The following DPH1 variants were observed in gnomAD, a reference collection of about 807,000 sequenced individuals.
DPH1 encodes the protein 2-(3-amino-3-carboxypropyl)histidine synthase subunit 1.
In DPH1, 59 loss-of-function variants were observed where a neutral mutation model predicts 55.3. The ratio of observed to expected loss-of-function variants is 1.07; its 90% confidence interval spans 0.87 to 1.33. The LOEUF is 1.33. Among genes scored for constraint, DPH1 ranks in the 40% most tolerant of loss-of-function variants. DPH1 has a pLI of 0.00. For synonymous variants in DPH1, 238 were observed against 235.5 expected (o/e 1.01, Z -0.10); for missense variants, 628 against 584.8 (o/e 1.07, Z -0.76).
At chr17:2,035,228 A>G (rs2067395251) in intron 3 of DPH1, among the ~76,000 whole-genome samples, 1 of 151,894 alleles carries the variant, frequency 6.6e-6, no homozygotes, top group African/African-American at 2.4e-5. Context: ...TCAGGGGTAC[A>G]AGGTCTTCCC....
In DPH1 at chr17:2,041,089, G is replaced by T; in HGVS notation, c.1008-14G>T. ...GAGGCCCTTCCTAGGGTCTGACCTG[G>T]CTTCCCTTCCCAGGTGGGTGCAGGT... is the stretch of plus-strand genomic sequence containing the variant. On this transcript the variant is annotated splice_polypyrimidine_tract_variant and intron_variant, in intron 9 of 12. Transcript: ENST00000263083. 6.3e-7 allele frequency: 1 copy of T among 1,592,256 alleles called. No homozygotes were observed. The highest frequency in any genetic ancestry group is 8.6e-7 in the Non-Finnish European group (1 of 1,168,494).
rs763479379 is a variant in DPH1, at chr17:2,042,613, C to T, written c.*27C>T. The T allele has an allele frequency of 6.6e-7, 1 of 1,519,260 alleles. No homozygotes were observed. The highest frequency in any genetic ancestry group is 2.3e-5 in the Admixed American group (1 of 44,072). The allele number at this position is 1,519,260 out of a possible 1,614,324, so 94.1% of individuals were successfully genotyped here. ...TCCTCATATCGCTGTAGGGTCCTGC[C>T]CTCCGGAGGAGCAGCCTCGAGGCTG... On this transcript the variant is annotated 3_prime_UTR_variant, in exon 13 of 13. Coordinates refer to ENST00000263083, the MANE Select transcript of DPH1 (RefSeq NM_001383.6).
chr17:2,035,663 A>G (rs1300003563), intron 3 of DPH1, among the ~76,000 whole-genome samples: 2 of 152,054 alleles, frequency 1.3e-5, no homozygotes, highest in Non-Finnish European at 2.9e-5. Context: ...GAGTCAGGGC[A>G]TGGGGCGTCT....
At position 2,036,291 on chromosome 17, in the gene DPH1, C is replaced by G; in HGVS notation, c.400+200C>G. 8.8e-7 allele frequency: 1 copy of G among 1,134,368 alleles called. No homozygotes were observed. The highest frequency in any genetic ancestry group is 1.2e-6 in the Non-Finnish European group (1 of 823,494). 70.3% of individuals were successfully genotyped at this position (1,134,368 alleles called of 1,614,324 possible). A position where few individuals can be genotyped will look rare whatever the true frequency, so the allele number is the denominator to read the frequency against. The stretch of plus-strand genomic sequence containing the variant: ...GTTGCCTTGGCAACGGTGCTCTGTC[C>G]CAGATGCAGGTGTTTGAAAGGCTGT... On this transcript the variant is annotated intron_variant, in intron 4 of 12. Transcript: ENST00000263083. The surrounding 1 kb of genome is among the most constrained non-coding windows in gnomAD (Gnocchi z 4.8).
rs2067362314 is a variant in DPH1 at position 2,033,665 on chromosome 17, T to C, written c.214+8T>C. 2 of 1,613,836 alleles carry C rather than the reference T, an allele frequency of 1.2e-6. No homozygotes were observed. Among genetic ancestry groups the C allele is most frequent in the Non-Finnish European group, 1.7e-6 (2 of 1,179,764 alleles). ...AAGCCCAGGCCAAGAAGGGTGAGCCTGTGATCATTGAGCTGGGGTTGGGGT... is the reference window on the plus strand; with the variant it reads ...AAGCCCAGGCCAAGAAGGGTGAGCCCGTGATCATTGAGCTGGGGTTGGGGT... On this transcript the variant is annotated splice_region_variant and intron_variant, in intron 2 of 12. Coordinates refer to ENST00000263083, the MANE Select transcript of DPH1 (RefSeq NM_001383.6).
In DPH1 at chr17:2,036,865, CGT is replaced by C. The variant is rs1567545172; in HGVS notation, c.593_594del (p.Val198GlufsTer54). ...AAAQELKAEY[R>X]VSVPQCKPLS... ...CGCCCAGGAGCTGAAAGCCGAGTAT[CGT>C]GTGAGTGTCCCACAGTGCAAGCCCC... is the stretch of plus-strand genomic sequence containing the variant. On this transcript the variant is annotated frameshift_variant, in exon 6 of 13. Transcript: ENST00000263083. LOFTEE classifies it high-confidence loss of function. This position sits in a 1 kb window ranked among gnomAD's most constrained non-coding sequence, Gnocchi z 4.8. 6.2e-7 allele frequency: 1 copy of C among 1,613,690 alleles called. No homozygotes were observed. Among genetic ancestry groups the C allele is most frequent in the Admixed American group, 1.7e-5 (1 of 60,010 alleles).
intron 6 of DPH1, among the ~76,000 whole-genome samples, chr17:2,038,265 C>T (rs2067456865): frequency 6.6e-6 from 1 of 151,962 alleles, no homozygotes; most frequent in Admixed American, 6.6e-5. Context: ...GTTGAGGCTG[C>T]AGCGAGCCAT....
intron 12 of DPH1, 190 bp from the exon 13 acceptor site, chr17:2,042,415 C>T (rs1489584915): frequency 8.0e-7 from 1 of 1,243,496 alleles, no homozygotes; most frequent in Non-Finnish European, 1.1e-6. Context: ...AGGCTTCCGC[C>T]TTCACCGTCT....
At chr17:2,039,510 T>C in intron 6 of DPH1, 1 of 439,318 alleles carries the variant, frequency 2.3e-6, no homozygotes. Flanking sequence ...CCCGAGTAGC[T>C]GGGACTACAG....
intron 3 of DPH1, among the ~76,000 whole-genome samples, chr17:2,034,274 G>A (rs1597276555): frequency 6.6e-6 from 1 of 151,986 alleles, no homozygotes. Context: ...GTTTGGAGTG[G>A]GAGGTGCCTG....
intron 3 of DPH1, 82 bp downstream of exon 3, chr17:2,033,924 G>A (rs2151342276): frequency 6.5e-7 from 1 of 1,537,934 alleles, no homozygotes; most frequent in South Asian, 1.1e-5. Flanking sequence ...GTAAAGCCCT[G>A]GTGGCGGGCA....
chr17:2,041,691 G>A lies in DPH1; in HGVS notation c.1227+70G>A, dbSNP rs749878741. 14 of 1,577,502 alleles carry A rather than the reference G, an allele frequency of 8.9e-6. No homozygotes were observed. In the South Asian group the frequency reaches 1.5e-4, roughly 17 times the overall value. Reference sequence around the variant, plus strand: ...CTGGCCGCCGCCCTGCGACCGCGACGGGAAACGCACAGGAGCGGAGCGGAG... The same window carrying A: ...CTGGCCGCCGCCCTGCGACCGCGACAGGAAACGCACAGGAGCGGAGCGGAG... On this transcript the variant is annotated intron_variant, in intron 11 of 12. Coordinates refer to ENST00000263083, the MANE Select transcript of DPH1 (RefSeq NM_001383.6).
intron 10 of DPH1, 110 bp downstream of exon 10, chr17:2,041,291 AGTCT>A: frequency 2.0e-6 from 3 of 1,478,364 alleles, no homozygotes; most frequent in Admixed American, 2.0e-5. Flanking sequence ...TAGATTCCGG[AGTCT>A]GTCTCGATTT....
rs2067314521 is a variant in DPH1, at chr17:2,030,353, C to G, written c.61+123C>G. The G allele has an allele frequency of 3.4e-6, 4 of 1,183,182 alleles. No individual in the cohort carries two copies. The East Asian group carries it at 1.1e-4, about 32-fold the overall frequency. The allele number at this position is 1,183,182 out of a possible 1,614,324, so 73.3% of individuals were successfully genotyped here. On this transcript the variant is annotated intron_variant, in intron 1 of 12. Transcript: ENST00000263083. ...TTCTCCGCTAGATCCCGCTGTTAGTCGCCTTGGGCCGCTGTCACCAGCTCG... is the reference window on the plus strand; with the variant it reads ...TTCTCCGCTAGATCCCGCTGTTAGTGGCCTTGGGCCGCTGTCACCAGCTCG...
chr17:2,036,501 A>G lies in DPH1; in HGVS notation c.401-28A>G. On this transcript the variant is annotated intron_variant, in intron 4 of 12. Coordinates refer to ENST00000263083, the MANE Select transcript of DPH1 (RefSeq NM_001383.6). This position sits in a 1 kb window ranked among gnomAD's most constrained non-coding sequence, Gnocchi z 4.8. Reference sequence around the variant, plus strand: ...CCCTCTGCTGCTCCTGCCTTCCCAAACAGCCCCTGAACTCCTCCCTCCCAC... The same window carrying G: ...CCCTCTGCTGCTCCTGCCTTCCCAAGCAGCCCCTGAACTCCTCCCTCCCAC... 2 of 1,610,552 alleles carry G rather than the reference A, an allele frequency of 1.2e-6. No individual in the cohort carries two copies. The highest frequency in any genetic ancestry group is 8.5e-7 in the Non-Finnish European group (1 of 1,177,670).
intron 3 of DPH1, among the ~76,000 whole-genome samples, chr17:2,035,416 T>C (rs2957925): frequency 0.7 from 84,427 of 120,570 alleles, 26,846 homozygotes; most frequent in East Asian, 0.91. Context: ...GGGGAGGTAG[T>C]GGGGGTCCGG....
rs1421659137 is a variant in DPH1 at position 2,033,773 on chromosome 17, T to C, written c.215-6T>C. 9 of 1,614,260 alleles carry C rather than the reference T, an allele frequency of 5.6e-6. No individual in the cohort carries two copies. The highest frequency in any genetic ancestry group is 7.6e-6 in the Non-Finnish European group (9 of 1,180,042). On this transcript the variant is annotated splice_polypyrimidine_tract_variant and splice_region_variant and intron_variant, in intron 2 of 12. Transcript: ENST00000263083. ...TCCACCTCTCATGTCTCTGCTCGTC[T>C]TGCAGTGGCCTTGCAAATGCCGGAA...
chr17:2,039,998 G>A (rs758918528), intron 7 of DPH1, among the ~76,000 whole-genome samples, 175 bp downstream of exon 7: 7 of 152,320 alleles, frequency 4.6e-5, no homozygotes, highest in Admixed American at 3.9e-4. Context: ...TTGCCTACCC[G>A]TCTCCTGGGG....
At chr17:2,035,913 T>C in intron 3 of DPH1, 57 bp from the exon 4 acceptor site, 1 of 1,603,952 alleles carries the variant, frequency 6.2e-7, no homozygotes, top group Non-Finnish European at 8.5e-7. Context: ...GGGTTGGGTC[T>C]CTCCTACCTC....
Sources: allele counts gnomAD v4.1 joint callset (sites outside exome capture counted in the v4.1 genomes callset), GRCh38; gene constraint gnomAD v4.1.1; non-coding constraint Gnocchi (gnomAD v3.1); transcripts MANE v1.5; gene names NCBI Gene and HGNC (gene_info 2026-07-23, HGNC 2026-07-21).